The following TAFA2 variants were observed in gnomAD, a reference collection of about 807,000 sequenced individuals.
TAFA2 encodes the protein chemokine-like protein TAFA-2.
In TAFA2, 7 loss-of-function variants were observed where a neutral mutation model predicts 18.8. The observed-to-expected ratio is 0.37, with a 90% CI of 0.21 to 0.70. The LOEUF (loss-of-function observed/expected upper bound fraction) is 0.70. Ranked by LOEUF, TAFA2 falls within the 30% of genes least tolerant of loss-of-function variation. TAFA2 has a pLI of 0.53. For synonymous variants in TAFA2, 60 were observed against 54.2 expected, an observed-to-expected ratio of 1.11 and a Z score of -0.47; for missense variants, 122 against 158.1, an observed-to-expected ratio of 0.77 and a Z score of 1.23.
At chr12:61,999,085 GATTTC>G (rs945232242) in intron 1 of TAFA2, among the ~76,000 whole-genome samples, 1 of 152,182 alleles carries the variant, frequency 6.6e-6, no homozygotes, top group African/African-American at 2.4e-5. Flanking sequence ...TTATTCTAGA[GATTTC>G]ATTTAAGACT....
intron 1 of TAFA2, among the ~76,000 whole-genome samples, chr12:62,092,576 T>C (rs181874665): frequency 1.0e-3 from 157 of 152,118 alleles, no homozygotes; most frequent in African/African-American, 3.4e-3. Context: ...TCATCTGGTT[T>C]TCCTTTCTAC....
At chr12:61,889,058 A>C (rs1277233659) in intron 1 of TAFA2, among the ~76,000 whole-genome samples, 1 of 152,176 alleles carries the variant, frequency 6.6e-6, no homozygotes, top group Admixed American at 6.5e-5. Context: ...GAAAGTTACC[A>C]CAACTCCTTC....
At chr12:61,734,036 T>C (rs36175258) in intron 4 of TAFA2, among the ~76,000 whole-genome samples, 38,846 of 143,720 alleles carry the variant, frequency 0.27, 5,027 homozygotes, top group South Asian at 0.34. Context: ...TTTGAAGCAA[T>C]TGTGAATGGG....
At chr12:61,845,675 C>T (rs555744899) in intron 2 of TAFA2, among the ~76,000 whole-genome samples, 1 of 152,214 alleles carries the variant, frequency 6.6e-6, no homozygotes, top group South Asian at 2.1e-4. Context: ...GGGTGATTAT[C>T]CATTTTCCAA....
intron 4 of TAFA2, 22 bp downstream of exon 4, chr12:61,753,600 C>T: frequency 6.2e-7 from 1 of 1,603,080 alleles, no homozygotes; most frequent in Non-Finnish European, 8.5e-7. Context: ...ATTCTGTTTT[C>T]CCAAGCTTGC....
intron 2 of TAFA2, among the ~76,000 whole-genome samples, chr12:61,767,230 G>C (rs1177964294): frequency 6.6e-6 from 1 of 152,032 alleles, no homozygotes; most frequent in African/African-American, 2.4e-5. Context: ...TAACTGGTCA[G>C]GAATATTATT....
intron 1 of TAFA2, among the ~76,000 whole-genome samples, chr12:62,052,499 C>T (rs1882083265): frequency 2.6e-5 from 4 of 152,046 alleles, no homozygotes; most frequent in Non-Finnish European, 5.9e-5. Context: ...ACTCAGCCAA[C>T]CCTCTTCTCT....
At chr12:62,069,947 G>C (rs1175080669) in intron 1 of TAFA2, among the ~76,000 whole-genome samples, 1 of 152,150 alleles carries the variant, frequency 6.6e-6, no homozygotes, top group East Asian at 1.9e-4. Context: ...TTGCAAGGTG[G>C]CCTTACTTCC....
intron 1 of TAFA2, among the ~76,000 whole-genome samples, chr12:62,211,395 A>AT (rs1437890035): frequency 6.6e-6 from 1 of 152,128 alleles, no homozygotes; most frequent in African/African-American, 2.4e-5. Context: ...CTTGGCTAAC[A>AT]TGGTGAAACC....
intron 1 of TAFA2, among the ~76,000 whole-genome samples, chr12:62,229,759 A>G (rs2062803930): frequency 6.6e-6 from 1 of 151,864 alleles, no homozygotes; most frequent in Non-Finnish European, 1.5e-5. Context: ...TTCCTCTTCA[A>G]TTTTTTGGAA....
In TAFA2 at chr12:61,790,908, C is replaced by A. The variant is rs975321172; in HGVS notation, c.107-35884G>T. 5.3e-5 allele frequency among the ~76,000 whole-genome samples: 8 copies of A among 151,596 alleles called. 1 individual carries two copies. The highest frequency in any genetic ancestry group is 5.9e-5 in the Non-Finnish European group (4 of 67,798). On this transcript the variant is annotated intron_variant, in intron 2 of 4. Transcript: ENST00000416284. ...CACAAAAGACCCTGAATAGCCACAC[C>A]AATACTAAGAGGGGAAAACCTAGAG...
chr12:61,766,474 A>C (rs1186173322), intron 2 of TAFA2, among the ~76,000 whole-genome samples: 1 of 152,082 alleles, frequency 6.6e-6, no homozygotes, highest in African/African-American at 2.4e-5. Context: ...TTAGAGCATC[A>C]CATCCTCTAC....
rs1869325818 is a variant in TAFA2 at position 61,710,149 on chromosome 12, G to A, written c.*257C>T. The A allele has an allele frequency of 2.2e-6, 1 of 454,208 alleles. No homozygotes were observed. Among genetic ancestry groups the A allele is most frequent in the Non-Finnish European group, 3.9e-6 (1 of 254,496 alleles). 28.1% of individuals were successfully genotyped at this position (454,208 alleles called of 1,614,324 possible). ...CAACTCTTCACCAGCTCCTCAGACA[G>A]TGACTTCAAATTCTTTTAACAATTT... On this transcript the variant is annotated 3_prime_UTR_variant, in exon 5 of 5. Transcript: ENST00000416284.
At chr12:62,241,868 T>C (rs922239190) in intron 1 of TAFA2, among the ~76,000 whole-genome samples, 1 of 152,160 alleles carries the variant, frequency 6.6e-6, no homozygotes, top group Non-Finnish European at 1.5e-5. Flanking sequence ...CAAATATTTA[T>C]TGAATACCCA....
intron 1 of TAFA2, among the ~76,000 whole-genome samples, chr12:62,026,626 T>C (rs935189576): frequency 6.6e-6 from 1 of 152,162 alleles, no homozygotes; most frequent in African/African-American, 2.4e-5. Flanking sequence ...TTTGTTTTGG[T>C]TTGCAGAGCC....
chr12:62,010,580 C>G (rs191575316), intron 1 of TAFA2, among the ~76,000 whole-genome samples: 1 of 152,028 alleles, frequency 6.6e-6, no homozygotes, highest in East Asian at 1.9e-4. Flanking sequence ...GCCGCCACCC[C>G]GTCTGGGAAG....
At chr12:62,231,365 T>G (rs1432283061) in intron 1 of TAFA2, among the ~76,000 whole-genome samples, 1 of 152,236 alleles carries the variant, frequency 6.6e-6, no homozygotes, top group African/African-American at 2.4e-5. Context: ...AGTCTTTAAC[T>G]TGAAGTTTAT....
At chr12:62,145,568 C>A (rs2062274574) in intron 1 of TAFA2, 2 of 152,224 alleles carry the variant, frequency 1.3e-5, no homozygotes, top group Middle Eastern at 3.1e-3. Flanking sequence ...ATGAACTCAT[C>A]CTCCTCCTTC....
At chr12:61,900,106 G>C (rs1592470774) in intron 1 of TAFA2, among the ~76,000 whole-genome samples, 1 of 152,092 alleles carries the variant, frequency 6.6e-6, no homozygotes, top group South Asian at 2.1e-4. Context: ...TCCATTTCTT[G>C]TCAAGGGATA....
Sources: gnomAD v4.1 joint callset for allele counts (sites outside exome capture counted in the v4.1 genomes callset) on GRCh38, gnomAD v4.1.1 for gene constraint, MANE v1.5 for transcripts, NCBI Gene and HGNC (gene_info 2026-07-23, HGNC 2026-07-21) for gene names.